Variants in AFF1 observed in about 807,000 individuals in gnomAD.
The protein encoded by AFF1 is AF4/FMR2 family member 1.
AFF1 carries 48 observed loss-of-function variants against 121.7 expected under a neutral mutation model. That is an observed-to-expected ratio of 0.39 (90% CI 0.31 to 0.50). The LOEUF is 0.50. AFF1 is among the 20% of genes least tolerant of loss of function. The pLI, the probability that AFF1 is intolerant of heterozygous loss-of-function variation, is 0.76. For synonymous variants in AFF1, 613 were observed against 563.0 expected (o/e 1.09, Z -1.26); for missense variants, 1,523 against 1,511.7 (o/e 1.01, Z -0.12).
chr4:87,054,703 A>G (rs1719922158), intron 4 of AFF1, among the ~76,000 whole-genome samples: 1 of 152,182 alleles, frequency 6.6e-6, no homozygotes, highest in Non-Finnish European at 1.5e-5. Context: ...CGCTTGTAAG[A>G]AAGCATGAAG....
At chr4:86,935,694 T>A (rs1056387857) in intron 1 of AFF1, 2 of 151,684 alleles carry the variant, frequency 1.3e-5, no homozygotes. Flanking sequence ...TCCCTGTGCC[T>A]GTCGTGGAGA....
At chr4:87,082,123 G>A (rs541532023) in intron 4 of AFF1, among the ~76,000 whole-genome samples, 1 of 152,200 alleles carries the variant, frequency 6.6e-6, no homozygotes, top group South Asian at 2.1e-4. Context: ...TGGATTCCTA[G>A]TCTCATTCCA....
chr4:87,048,974 T>TCCTCAAAACAGTCACTCCCC (rs1730993312), intron 4 of AFF1, among the ~76,000 whole-genome samples: 1 of 150,208 alleles, frequency 6.7e-6, no homozygotes, highest in African/African-American at 2.4e-5. Context: ...AGATCCTCCC[T>TCCTCAAAACAGTCACTCCCC]CCTCAAAACA....
chr4:87,125,215 AT>A, intron 13 of AFF1, 72 bp downstream of exon 13: 1 of 1,131,274 alleles, frequency 8.8e-7, no homozygotes, highest in Middle Eastern at 2.1e-4. Context: ...TAGCAAAGAA[AT>A]TTTTCTTCTG....
At chr4:87,116,178 C>T (rs1727102500) in intron 12 of AFF1, among the ~76,000 whole-genome samples, 3 of 152,176 alleles carry the variant, frequency 2.0e-5, no homozygotes, top group East Asian at 3.8e-4. Context: ...GATAATGGCA[C>T]GTTGCAAAGT....
At chr4:86,997,086 A>G (rs1725274733) in intron 2 of AFF1, among the ~76,000 whole-genome samples, 1 of 151,998 alleles carries the variant, frequency 6.6e-6, no homozygotes. Flanking sequence ...TAATTTTTGT[A>G]TTTTTGGTAG....
In AFF1 at chr4:87,114,760, G is replaced by T; in HGVS notation, c.1927G>T (p.Asp643Tyr). 1 of 1,613,480 alleles carries T rather than the reference G, an allele frequency of 6.2e-7. No individual in the cohort carries two copies. Among genetic ancestry groups the T allele is most frequent in the Non-Finnish European group, 8.5e-7 (1 of 1,179,812 alleles). ...AGGGCTTCTTCCCTATGGCTCCCGA[G>T]ACCAGACTTCCAAAGACAAGCCCAA... ...EPGLLPYGSRDQTSKDKPKVK... is the reference protein window; with the variant it reads ...EPGLLPYGSRYQTSKDKPKVK... The change falls in exon 12 of 21, where the codon GAC becomes TAC. Residue 643 changes from aspartate to tyrosine, a missense_variant. Around this residue, in one of 5 missense-constraint regions of AFF1, gnomAD observed 905 missense variants for 842.5 expected, o/e 1.07. Coordinates refer to ENST00000395146, the MANE Select transcript of AFF1 (RefSeq NM_001166693.3).
intron 4 of AFF1, among the ~76,000 whole-genome samples, chr4:87,079,322 C>T (rs753344868): frequency 6.6e-6 from 1 of 152,182 alleles, no homozygotes; most frequent in Non-Finnish European, 1.5e-5. Flanking sequence ...GCTTAGAAGA[C>T]ATTCACTCAC....
intron 2 of AFF1, among the ~76,000 whole-genome samples, chr4:86,967,445 G>T (rs1722613180): frequency 6.6e-6 from 1 of 152,214 alleles, no homozygotes; most frequent in Non-Finnish European, 1.5e-5. Flanking sequence ...ATTTGACCAT[G>T]TATTTAGGGT....
chr4:87,005,657 T>C (rs557016973), intron 2 of AFF1, among the ~76,000 whole-genome samples: 2 of 152,386 alleles, frequency 1.3e-5, no homozygotes, highest in African/African-American at 2.4e-5. Context: ...TAGACAGCCA[T>C]TGTACTTAAG....
intron 4 of AFF1, among the ~76,000 whole-genome samples, chr4:87,068,669 G>C (rs1240100744): frequency 6.6e-6 from 1 of 152,234 alleles, no homozygotes; most frequent in African/African-American, 2.4e-5. Context: ...ACAGGGGGAA[G>C]GCAAATATTG....
intron 2 of AFF1, among the ~76,000 whole-genome samples, chr4:86,956,078 G>T (rs1183108349): frequency 6.6e-6 from 1 of 152,200 alleles, no homozygotes; most frequent in African/African-American, 2.4e-5. Flanking sequence ...ATTGGCCTGG[G>T]CATTGTAAAT....
At chr4:87,119,479 G>A (rs1228195835) in intron 12 of AFF1, among the ~76,000 whole-genome samples, 1 of 152,160 alleles carries the variant, frequency 6.6e-6, no homozygotes, top group Non-Finnish European at 1.5e-5. Context: ...GCTGTGGTGG[G>A]AGGATCACTT....
In AFF1 at chr4:87,139,204, C is replaced by T. The variant is rs185310385; in HGVS notation, c.*3503C>T. On this transcript the variant is annotated 3_prime_UTR_variant, in exon 21 of 21. Coordinates refer to ENST00000395146, the MANE Select transcript of AFF1 (RefSeq NM_001166693.3). ...TTGAGTGAACCCAGTTTTTAAATAC[C>T]GCTGTGTTTGTTTCGCCATGGCTTC... 458 of 231,624 alleles carry T rather than the reference C, an allele frequency of 2.0e-3. 1 individual carries two copies. The highest frequency in any genetic ancestry group is 3.8e-3 in the Middle Eastern group (3 of 780). 14.3% of individuals were successfully genotyped at this position (231,624 alleles called of 1,614,324 possible).
Position 87,013,032 on chromosome 4 carries a change from C to CTTTTTTT in AFF1, c.39-33114_39-33108dup, listed in dbSNP as rs61071328. 2.5e-3 allele frequency among the ~76,000 whole-genome samples: 229 copies of CTTTTTTT among 93,446 alleles called. 21 individuals are homozygous for CTTTTTTT. The highest frequency in any genetic ancestry group is 0.015 in the Middle Eastern group (2 of 132). 61.3% of individuals were successfully genotyped at this position (93,446 alleles called of 152,430 possible). ...AACCAGATTGAACTGCTATCAAGTT[C>CTTTTTTT]TTTTTTTTTTTTTTTTTTTTTTTTT... On this transcript the variant is annotated intron_variant, in intron 2 of 20. Coordinates refer to ENST00000395146, the MANE Select transcript of AFF1 (RefSeq NM_001166693.3).
chr4:87,110,654 C>T (rs1172508036), intron 11 of AFF1, among the ~76,000 whole-genome samples: 1 of 152,038 alleles, frequency 6.6e-6, no homozygotes, highest in Non-Finnish European at 1.5e-5. Flanking sequence ...AAATTTTGCA[C>T]TCATATTCCC....
At chr4:86,943,109 G>A (rs941836636) in intron 1 of AFF1, among the ~76,000 whole-genome samples, 1 of 152,208 alleles carries the variant, frequency 6.6e-6, no homozygotes, top group African/African-American at 2.4e-5. Context: ...CTAATGATCA[G>A]AGGGAGCCAA....
intron 4 of AFF1, among the ~76,000 whole-genome samples, chr4:87,068,850 C>G (rs941881817): frequency 2.6e-5 from 4 of 152,086 alleles, no homozygotes; most frequent in Non-Finnish European, 4.4e-5. Context: ...CTAGTGGCAC[C>G]GATTAGGGCT....
chr4:87,111,645 C>T (rs7440770), intron 11 of AFF1, among the ~76,000 whole-genome samples: 9 of 152,088 alleles, frequency 5.9e-5, no homozygotes, highest in South Asian at 2.1e-4. Context: ...TGAGCCACTG[C>T]GCCCAGCCTA....
Sources: allele counts gnomAD v4.1 joint callset (sites outside exome capture counted in the v4.1 genomes callset), GRCh38; gene constraint gnomAD v4.1.1; regional missense constraint gnomAD v4.1.1; transcripts MANE v1.5; gene names NCBI Gene and HGNC (gene_info 2026-07-23, HGNC 2026-07-21).